Variants in SP3 observed in about 807,000 individuals in gnomAD.
SP3 encodes the protein transcription factor Sp3.
A neutral mutation model predicts 70.3 loss-of-function variants in SP3; 10 were observed. That is an observed-to-expected ratio of 0.14 (90% CI 0.09 to 0.24). SP3 has a LOEUF of 0.24. Among genes scored for constraint, SP3 ranks in the 10% least tolerant of loss-of-function variants. The pLI is 1.00. For missense variants in SP3, 825 were observed against 914.6 expected (o/e 0.90, Z 1.26); for synonymous variants, 402 against 333.5 (o/e 1.21, Z -2.24).
Position 173,907,021 on chromosome 2 carries a change from T to A in SP3, c.*2920A>T, listed in dbSNP as rs1307796865. Reference sequence around the variant, plus strand: ...CCACTATTTTGAAAGACCAAAGTTATTTACAGGGCATCTGACTTTCTGCGG... The same window carrying A: ...CCACTATTTTGAAAGACCAAAGTTAATTACAGGGCATCTGACTTTCTGCGG... On this transcript the variant is annotated 3_prime_UTR_variant, in exon 7 of 7. Coordinates refer to ENST00000310015, the MANE Select transcript of SP3 (RefSeq NM_003111.5). 1.3e-5 allele frequency: 2 copies of A among 152,220 alleles called. No homozygotes were observed. The highest frequency in any genetic ancestry group is 4.8e-5 in the African/African-American group (2 of 41,470). The allele number at this position is 152,220 out of a possible 1,614,324, so 9.4% of individuals were successfully genotyped here.
rs1414802349 is a variant in SP3 at position 173,902,335 on chromosome 2, G to A, written c.*7606C>T. 1.3e-5 allele frequency among the ~76,000 whole-genome samples: 2 copies of A among 152,198 alleles called. No homozygotes were observed. Among genetic ancestry groups the A allele is most frequent in the Non-Finnish European group, 2.9e-5 (2 of 68,036 alleles). On this transcript the variant is annotated 3_prime_UTR_variant, in exon 7 of 7. Transcript: ENST00000310015. ...AAACATATCTGCCAAGGCAGGATTG[G>A]GAGGGTATGGAAAAAATGTGAACTC... is the stretch of plus-strand genomic sequence containing the variant.
chr2:173,963,996 C>G, intron 2 of SP3, 113 bp from the exon 3 acceptor site: 1 of 617,752 alleles, frequency 1.6e-6, no homozygotes, highest in East Asian at 4.2e-5. Context: ...TGCGCCCGGG[C>G]AAGCGCCAGC....
At chr2:173,917,134 C>T (rs1300654552) in intron 5 of SP3, among the ~76,000 whole-genome samples, 2 of 151,982 alleles carry the variant, frequency 1.3e-5, no homozygotes, top group South Asian at 2.1e-4. Flanking sequence ...GTTTAATAAA[C>T]ATAAACTAAT....
intron 4 of SP3, among the ~76,000 whole-genome samples, chr2:173,951,651 G>A (rs1324104286): frequency 1.3e-5 from 2 of 152,136 alleles, no homozygotes; most frequent in African/African-American, 4.8e-5. Context: ...GAAAGGGCAA[G>A]AATAACTTAA....
chr2:173,923,474 G>A (rs1055951660), intron 4 of SP3, among the ~76,000 whole-genome samples: 2 of 151,954 alleles, frequency 1.3e-5, no homozygotes, highest in African/African-American at 4.8e-5. Flanking sequence ...AATATTACAA[G>A]AAAATCCTAA....
chr2:173,963,699 G>T, intron 3 of SP3, 62 bp downstream of exon 3: 1 of 649,028 alleles, frequency 1.5e-6, no homozygotes, highest in Non-Finnish European at 1.9e-6. Context: ...GGGCAGGCGC[G>T]CCACGGGTCC....
chr2:173,933,663 TATATATATAA>T lies in SP3; in HGVS notation c.1640-14888_1640-14879del, dbSNP rs1316215590. Among the ~76,000 whole-genome samples, 365 of 141,940 alleles carry T rather than the reference TATATATATAA, an allele frequency of 2.6e-3. 3 individuals carry two copies. The highest frequency in any genetic ancestry group is 9.1e-3 in the African/African-American group (347 of 38,166). The allele number at this position is 141,940 out of a possible 152,430, so 93.1% of individuals were successfully genotyped here. On this transcript the variant is annotated intron_variant, in intron 4 of 6. Coordinates refer to ENST00000310015, the MANE Select transcript of SP3 (RefSeq NM_003111.5). ...TTATATATATATATATATATATATA[TATATATATAA>T]AAGTTATAAAGTAACATTTATAAAA...
rs1046680534 is a variant in SP3 at position 173,957,351 on chromosome 2, C to T, written c.280-1119G>A. Among the ~76,000 whole-genome samples, 4 of 151,808 alleles carry T rather than the reference C, an allele frequency of 2.6e-5. 1 individual carries two copies. Among genetic ancestry groups the T allele is most frequent in the African/African-American group, 9.7e-5 (4 of 41,312 alleles). On this transcript the variant is annotated intron_variant, in intron 3 of 6. Transcript: ENST00000310015. ...TGCTAATACAATGTGAAAAGTAGCA[C>T]AGACTAGTCATATGATCAAAACACT...
intron 4 of SP3, among the ~76,000 whole-genome samples, chr2:173,928,404 G>A (rs1689977691): frequency 6.6e-6 from 1 of 151,938 alleles, no homozygotes; most frequent in South Asian, 2.1e-4. Flanking sequence ...CTCTAGCACT[G>A]GACTAAAACT....
At position 173,955,155 on chromosome 2, in the gene SP3, G is replaced by C. The variant is rs1446104494; in HGVS notation, c.1357C>G (p.Gln453Glu). ...LNPGTFLIQAQTVTPSGQVTW... is the reference protein window; with the variant it reads ...LNPGTFLIQAETVTPSGQVTW... Reference sequence around the variant, plus strand: ...ACCTGTCCAGAAGGGGTCACTGTCTGTGCCTGAATTAAAAAGGTTCCAGGA... The same window carrying C: ...ACCTGTCCAGAAGGGGTCACTGTCTCTGCCTGAATTAAAAAGGTTCCAGGA... Residue 453 changes from glutamine to glutamate, a missense_variant, in exon 4 of 7, where the codon CAG becomes GAG. By Grantham distance (29) the Gln-to-Glu change is conservative. This residue lies in a region of SP3 where 678 missense variants were observed against 651.6 expected (regional missense o/e 1.04). Coordinates refer to ENST00000310015, the MANE Select transcript of SP3 (RefSeq NM_003111.5). 6.2e-7 allele frequency: 1 copy of C among 1,614,186 alleles called. No individual in the cohort carries two copies. The highest frequency in any genetic ancestry group is 8.5e-7 in the Non-Finnish European group (1 of 1,180,030).
Position 173,909,006 on chromosome 2 carries a change from T to C in SP3, c.*935A>G, listed in dbSNP as rs1306429739. The C allele has an allele frequency of 2.0e-5, 3 of 152,516 alleles. No individual in the cohort carries two copies. The highest frequency in any genetic ancestry group is 4.4e-5 in the Non-Finnish European group (3 of 67,926). 9.4% of individuals were successfully genotyped at this position (152,516 alleles called of 1,614,324 possible). ...GAGTATCGTCACTATGGAAGTGATT[T>C]TGTTATGTTTGCATATGTTACACTT... is the stretch of plus-strand genomic sequence containing the variant. On this transcript the variant is annotated 3_prime_UTR_variant, in exon 7 of 7. Coordinates refer to ENST00000310015, the MANE Select transcript of SP3 (RefSeq NM_003111.5).
chr2:173,946,574 G>A (rs556196641), intron 4 of SP3, among the ~76,000 whole-genome samples: 1 of 151,992 alleles, frequency 6.6e-6, no homozygotes, highest in Admixed American at 6.6e-5. Flanking sequence ...TTGAATAATA[G>A]TATTTTAAAT....
intron 4 of SP3, among the ~76,000 whole-genome samples, chr2:173,947,311 G>T (rs188231312): frequency 4.9e-4 from 75 of 151,988 alleles, no homozygotes; most frequent in African/African-American, 1.7e-3. Context: ...TTAACTGCTC[G>T]TTCATTATCT....
At chr2:173,960,112 G>A (rs1559111228) in intron 3 of SP3, among the ~76,000 whole-genome samples, 1 of 152,238 alleles carries the variant, frequency 6.6e-6, no homozygotes, top group Non-Finnish European at 1.5e-5. Flanking sequence ...TGAGGCTGCA[G>A]TGAGTTGTAA....
At chr2:173,919,037 A>G (rs1334250754) in intron 4 of SP3, among the ~76,000 whole-genome samples, 3 of 152,208 alleles carry the variant, frequency 2.0e-5, no homozygotes, top group African/African-American at 7.2e-5. Context: ...CCTTTAGATA[A>G]TAAATGCTTC....
Position 173,933,956 on chromosome 2 carries a change from G to C in SP3, c.1640-15171C>G, listed in dbSNP as rs539260149. 5.1e-4 allele frequency among the ~76,000 whole-genome samples: 73 copies of C among 143,338 alleles called. 1 individual carries two copies. The highest frequency in any genetic ancestry group is 1.6e-3 in the Admixed American group (22 of 13,832). The allele number at this position is 143,338 out of a possible 152,430, so 94.0% of individuals were successfully genotyped here. ...AAATGAAAAGCGGAAATAAGAGTTG[G>C]ATGTGGTGGTGTACATCTGTAGTCC... On this transcript the variant is annotated intron_variant, in intron 4 of 6. Coordinates refer to ENST00000310015, the MANE Select transcript of SP3 (RefSeq NM_003111.5).
At chr2:173,951,559 A>C (rs1205783136) in intron 4 of SP3, among the ~76,000 whole-genome samples, 1 of 152,244 alleles carries the variant, frequency 6.6e-6, no homozygotes, top group East Asian at 1.9e-4. Flanking sequence ...TTAAAGTCTC[A>C]GATCTGCTCC....
At chr2:173,915,194 TAAG>T (rs1408599772) in intron 5 of SP3, 2 of 151,884 alleles carry the variant, frequency 1.3e-5, no homozygotes, top group Non-Finnish European at 2.9e-5. Flanking sequence ...TATTAGGAAA[TAAG>T]AAATATTATT....
chr2:173,956,193 T>C lies in SP3; in HGVS notation c.319A>G (p.Asn107Asp). The part of the protein sequence containing the change: ...LASAQLGGAP[N>D]RWEVLSATPT... The stretch of plus-strand genomic sequence containing the variant: ...GTGGCTGACAAAACCTCCCATCGGT[T>C]TGGTGCTCCTCCTAACTGTGCAGAA... Residue 107 changes from asparagine (N) to aspartate (D), a missense_variant, in exon 4 of 7, where the codon AAC (asparagine) becomes GAC (aspartate). Asn to Asp is a conservative substitution (Grantham distance 23). Coordinates refer to ENST00000310015, the MANE Select transcript of SP3 (RefSeq NM_003111.5). 6.2e-7 allele frequency: 1 copy of C among 1,613,612 alleles called. No homozygotes were observed. Among genetic ancestry groups the C allele is most frequent in the Non-Finnish European group, 8.5e-7 (1 of 1,179,718 alleles).
Sources: gnomAD v4.1 joint callset for allele counts (sites outside exome capture counted in the v4.1 genomes callset) on GRCh38, gnomAD v4.1.1 for gene constraint, gnomAD v4.1.1 regional missense constraint, MANE v1.5 for transcripts, NCBI Gene and HGNC (gene_info 2026-07-23, HGNC 2026-07-21) for gene names.